PPP4R4: variants seen among roughly 807,000 people sequenced by gnomAD.
PPP4R4 encodes serine/threonine-protein phosphatase 4 regulatory subunit 4.
In PPP4R4, 70 loss-of-function variants were observed where a neutral mutation model predicts 121.8. That is an observed-to-expected ratio of 0.57 (90% CI 0.47 to 0.70). The LOEUF is 0.70. PPP4R4 is among the 30% of genes least tolerant of loss of function. PPP4R4 has a pLI of 0.00. For synonymous variants in PPP4R4, 348 were observed against 355.7 expected, an observed-to-expected ratio of 0.98 and a Z score of 0.24; for missense variants, 875 against 1,033.6, an observed-to-expected ratio of 0.85 and a Z score of 2.10.
chr14:94,248,642 TGTTA>T (rs1482879401), intron 14 of PPP4R4, among the ~76,000 whole-genome samples: 1 of 152,204 alleles, frequency 6.6e-6, no homozygotes, highest in Non-Finnish European at 1.5e-5. Context: ...GCCTTTTACC[TGTTA>T]GTTGTAGAAT....
intron 2 of PPP4R4, among the ~76,000 whole-genome samples, chr14:94,206,082 C>T (rs1388554048): frequency 1.3e-5 from 2 of 151,794 alleles, no homozygotes; most frequent in Non-Finnish European, 2.9e-5. Context: ...CCAGCTGCAC[C>T]TGTGTATTTT....
chr14:94,218,661 C>G (rs1891195290), intron 3 of PPP4R4, among the ~76,000 whole-genome samples: 1 of 115,698 alleles, frequency 8.6e-6, no homozygotes, highest in South Asian at 3.2e-4. Context: ...ACTGCGCGCG[C>G]GCACACACAC....
At chr14:94,238,800 T>C (rs1023482634) in intron 8 of PPP4R4, among the ~76,000 whole-genome samples, 1 of 152,210 alleles carries the variant, frequency 6.6e-6, no homozygotes. Context: ...CTCTTAAAGA[T>C]TATTGCAATA....
intron 23 of PPP4R4, among the ~76,000 whole-genome samples, chr14:94,269,402 G>A (rs111457840): frequency 0.012 from 1,873 of 152,120 alleles, 48 homozygotes; most frequent in African/African-American, 0.043. Context: ...GAGGCCGGGC[G>A]CTGTGGCTCA....
chr14:94,265,940 T>C, intron 22 of PPP4R4, 53 bp downstream of exon 22: 1 of 1,170,668 alleles, frequency 8.5e-7, no homozygotes, highest in South Asian at 1.5e-5. Flanking sequence ...TTTATTCACA[T>C]CTTCATATAT....
chr14:94,230,580 T>TA lies in PPP4R4; in HGVS notation c.295-6dup. Reference sequence around the variant, plus strand: ...ATGTAAATAGCAAACTCTTTCTGATTATACAGGAAGCCCTGCATGTTGCAG... The same window carrying TA: ...ATGTAAATAGCAAACTCTTTCTGATTAATACAGGAAGCCCTGCATGTTGCAG... On this transcript the variant is annotated splice_polypyrimidine_tract_variant and splice_region_variant and intron_variant, in intron 3 of 24. Transcript: ENST00000304338. 6.2e-7 allele frequency: 1 copy of TA among 1,605,584 alleles called. No individual in the cohort carries two copies. The highest frequency in any genetic ancestry group is 2.2e-5 in the East Asian group (1 of 44,850).
At chr14:94,248,895 A>T (rs1893034660) in intron 14 of PPP4R4, among the ~76,000 whole-genome samples, 1 of 152,054 alleles carries the variant, frequency 6.6e-6, no homozygotes. Flanking sequence ...AGCTATTTTT[A>T]ATGGTGACAA....
chr14:94,243,483 A>C lies in PPP4R4; in HGVS notation c.1266+1075A>C, dbSNP rs894273750. Among the ~76,000 whole-genome samples, 5 of 152,260 alleles carry C rather than the reference A, an allele frequency of 3.3e-5. No homozygotes were observed. In the South Asian group the frequency reaches 1.0e-3, roughly 32 times the overall value. On this transcript the variant is annotated intron_variant, in intron 11 of 24. Coordinates refer to ENST00000304338, the MANE Select transcript of PPP4R4 (RefSeq NM_058237.2). ...CAGTGGTCTCCAGAGAGGGTTGTACAAGTTTGGAGTCTGAGAATGCAGTAT... is the reference window on the plus strand; with the variant it reads ...CAGTGGTCTCCAGAGAGGGTTGTACCAGTTTGGAGTCTGAGAATGCAGTAT...
intron 17 of PPP4R4, among the ~76,000 whole-genome samples, chr14:94,258,421 G>A (rs1220321501): frequency 1.3e-5 from 2 of 152,130 alleles, no homozygotes; most frequent in Admixed American, 6.5e-5. Flanking sequence ...TTCATATATA[G>A]CTAAAAGACT....
At chr14:94,277,100 A>G (rs1284753387) in intron 24 of PPP4R4, among the ~76,000 whole-genome samples, 2 of 152,148 alleles carry the variant, frequency 1.3e-5, no homozygotes, top group Non-Finnish European at 2.9e-5. Flanking sequence ...GGAGTTTGAG[A>G]CCAGCCTGGC....
intron 3 of PPP4R4, among the ~76,000 whole-genome samples, chr14:94,223,757 T>C (rs1262699369): frequency 6.6e-6 from 1 of 152,236 alleles, no homozygotes; most frequent in Non-Finnish European, 1.5e-5. Context: ...TCTGCCTTTA[T>C]TGAAAGAGGA....
chr14:94,259,343 A>C lies in PPP4R4; in HGVS notation c.2101A>C (p.Arg701=). ...AGATTTGTTGGATCAAGAGAAAGAA[A>C]GAGAAGAACTACTTCTTTTGGAAAT... is the stretch of plus-strand genomic sequence containing the variant. ...EKDLLDQEKE[R]EELLLLEMEQ... is the part of the protein sequence containing the mutation. Residue 701 remains arginine, a synonymous_variant, in exon 19 of 25, where the codon AGA becomes CGA. Transcript: ENST00000304338. The C allele has an allele frequency of 6.2e-7, 1 of 1,611,360 alleles. No individual in the cohort carries two copies. Among genetic ancestry groups the C allele is most frequent in the Non-Finnish European group, 8.5e-7 (1 of 1,179,166 alleles).
chr14:94,234,898 A>T (rs1311289151), intron 7 of PPP4R4, among the ~76,000 whole-genome samples: 1 of 152,202 alleles, frequency 6.6e-6, no homozygotes, highest in African/African-American at 2.4e-5. Flanking sequence ...AGGAAAGAAA[A>T]GATAGCCCAA....
At chr14:94,188,786 T>C (rs1247097671) in intron 2 of PPP4R4, among the ~76,000 whole-genome samples, 1 of 152,112 alleles carries the variant, frequency 6.6e-6, no homozygotes, top group Non-Finnish European at 1.5e-5. Flanking sequence ...AGCTTTACTG[T>C]AGTAATCATT....
intron 2 of PPP4R4, among the ~76,000 whole-genome samples, chr14:94,196,249 ATCTTCTTTG>A (rs1889861192): frequency 1.6e-5 from 2 of 128,370 alleles, no homozygotes; most frequent in East Asian, 4.6e-4. Flanking sequence ...AAGTTGTTAG[ATCTTCTTTG>A]TCTATCTTAT....
At chr14:94,213,600 A>T (rs1453425453) in intron 3 of PPP4R4, among the ~76,000 whole-genome samples, 1 of 152,202 alleles carries the variant, frequency 6.6e-6, no homozygotes, top group Non-Finnish European at 1.5e-5. Flanking sequence ...ATGCCATCAC[A>T]TGTGTCCTTA....
chr14:94,200,328 T>C (rs1361214805), intron 2 of PPP4R4, among the ~76,000 whole-genome samples: 3 of 152,162 alleles, frequency 2.0e-5, no homozygotes, highest in Non-Finnish European at 4.4e-5. Flanking sequence ...AGTCCTTTAT[T>C]TCCTTTTCTT....
intron 3 of PPP4R4, among the ~76,000 whole-genome samples, chr14:94,209,988 G>A (rs1331166034): frequency 6.6e-6 from 1 of 151,968 alleles, no homozygotes; most frequent in Non-Finnish European, 1.5e-5. Flanking sequence ...AATAAAGGAA[G>A]TTAAGTAACA....
intron 2 of PPP4R4, among the ~76,000 whole-genome samples, chr14:94,194,626 T>C (rs1010010545): frequency 2.0e-5 from 3 of 152,192 alleles, no homozygotes; most frequent in Admixed American, 2.0e-4. Context: ...TTTTGTTTTC[T>C]TTTGTTTGTT....
Sources: allele counts gnomAD v4.1 joint callset (sites outside exome capture counted in the v4.1 genomes callset), GRCh38; gene constraint gnomAD v4.1.1; transcripts MANE v1.5; gene names NCBI Gene and HGNC (gene_info 2026-07-23, HGNC 2026-07-21).